The following RBFOX1 variants were observed in gnomAD, a reference collection of about 807,000 sequenced individuals.
RBFOX1 encodes RNA binding protein fox-1 homolog 1.
Under a neutral mutation model 57.7 loss-of-function variants are expected in RBFOX1, and 8 were observed. The ratio of observed to expected loss-of-function variants is 0.14; its 90% CI spans 0.08 to 0.25. The LOEUF is 0.25. RBFOX1 is among the 10% of genes least tolerant of loss of function. The pLI, the probability that RBFOX1 is intolerant of heterozygous loss-of-function variation, is 1.00. For synonymous variants in RBFOX1, 326 were observed against 222.4 expected, an observed-to-expected ratio of 1.47 and a Z score of -4.15; for missense variants, 611 against 548.5, an observed-to-expected ratio of 1.11 and a Z score of -1.14.
chr16:5,257,543 C>T (rs1247099544), intron 1 of RBFOX1, among the ~76,000 whole-genome samples: 10 of 152,206 alleles, frequency 6.6e-5, no homozygotes, highest in South Asian at 4.1e-4. Flanking sequence ...TAGGGGCCTG[C>T]GTTTGCAAAG....
intron 5 of RBFOX1, among the ~76,000 whole-genome samples, chr16:7,560,010 T>C (rs769729689): frequency 6.6e-6 from 1 of 152,218 alleles, no homozygotes; most frequent in Non-Finnish European, 1.5e-5. Context: ...GAAGGTTATT[T>C]TAAAAGATTT....
At chr16:6,425,474 G>T (rs1441029136) in intron 2 of RBFOX1, among the ~76,000 whole-genome samples, 1 of 152,208 alleles carries the variant, frequency 6.6e-6, no homozygotes. Flanking sequence ...GTGGGCTTGG[G>T]ATTAGGCGGT....
chr16:7,229,645 GA>G, intron 4 of RBFOX1, among the ~76,000 whole-genome samples: 2 of 99,842 alleles, frequency 2.0e-5, no homozygotes, highest in African/African-American at 3.4e-5. Flanking sequence ...GGAAGGAAGG[GA>G]GAGAGAGGGA....
chr16:7,352,708 G>A (rs187579116), intron 4 of RBFOX1, among the ~76,000 whole-genome samples: 21 of 152,116 alleles, frequency 1.4e-4, no homozygotes, highest in South Asian at 8.3e-4. Flanking sequence ...GTGTATTAAT[G>A]AGCAAATTAT....
At chr16:7,111,470 C>G (rs1462402478) in intron 4 of RBFOX1, among the ~76,000 whole-genome samples, 1 of 152,132 alleles carries the variant, frequency 6.6e-6, no homozygotes, top group African/African-American at 2.4e-5. Flanking sequence ...GATTATATTA[C>G]ATTTTTAAAT....
chr16:5,990,767 A>T (rs1243742380), intron 4 of RBFOX1, among the ~76,000 whole-genome samples: 1 of 152,250 alleles, frequency 6.6e-6, no homozygotes, highest in African/African-American at 2.4e-5. Flanking sequence ...CAGGAGTTCA[A>T]GACCAGCCCC....
intron 1 of RBFOX1, among the ~76,000 whole-genome samples, chr16:5,240,375 G>A (rs2062134174): frequency 6.6e-6 from 1 of 152,170 alleles, no homozygotes; most frequent in Non-Finnish European, 1.5e-5. Flanking sequence ...AAGGGGAGGG[G>A]GAGCCCCGCG....
intron 3 of RBFOX1, among the ~76,000 whole-genome samples, chr16:6,972,564 G>A (rs1355728264): frequency 6.6e-6 from 1 of 152,104 alleles, no homozygotes; most frequent in East Asian, 1.9e-4. Flanking sequence ...CAAATATATT[G>A]CAGCAGATTT....
chr16:5,943,824 T>C (rs1216081738), intron 4 of RBFOX1, among the ~76,000 whole-genome samples: 1 of 152,142 alleles, frequency 6.6e-6, no homozygotes, highest in Non-Finnish European at 1.5e-5. Context: ...CACTCACCCA[T>C]CCATCGACCC....
At chr16:6,423,457 G>A (rs552688999) in intron 2 of RBFOX1, among the ~76,000 whole-genome samples, 1 of 152,028 alleles carries the variant, frequency 6.6e-6, no homozygotes, top group Non-Finnish European at 1.5e-5. Context: ...AAATTAACCA[G>A]GTTTGATGGT....
At chr16:5,310,953 T>A (rs1166471574) in intron 1 of RBFOX1, among the ~76,000 whole-genome samples, 1 of 152,184 alleles carries the variant, frequency 6.6e-6, no homozygotes, top group Admixed American at 6.5e-5. Flanking sequence ...CTGAGTAGTG[T>A]ACAGTGTACC....
chr16:6,044,446 G>A (rs1483647858), intron 1 of RBFOX1, among the ~76,000 whole-genome samples: 1 of 151,238 alleles, frequency 6.6e-6, no homozygotes, highest in Non-Finnish European at 1.5e-5. Context: ...TTCGCAAGAT[G>A]TGACAGGCTA....
At chr16:6,614,565 G>T (rs181375801) in intron 2 of RBFOX1, among the ~76,000 whole-genome samples, 18 of 152,156 alleles carry the variant, frequency 1.2e-4, no homozygotes, top group African/African-American at 4.3e-4. Context: ...CATCAGAAAT[G>T]TCTTCGCCTA....
At chr16:6,977,137 ATATT>A (rs2087198148) in intron 3 of RBFOX1, among the ~76,000 whole-genome samples, 2 of 136,934 alleles carry the variant, frequency 1.5e-5, no homozygotes, top group Admixed American at 7.8e-5. Flanking sequence ...TATATGATAT[ATATT>A]ATATATATCA....
At chr16:5,801,084 C>T (rs968285040) in intron 3 of RBFOX1, among the ~76,000 whole-genome samples, 7 of 152,050 alleles carry the variant, frequency 4.6e-5, no homozygotes, top group African/African-American at 7.2e-5. Flanking sequence ...AAAAATAGGC[C>T]CCGCCCAGAG....
intron 1 of RBFOX1, among the ~76,000 whole-genome samples, chr16:5,426,554 A>G (rs1283533924): frequency 6.6e-6 from 1 of 152,064 alleles, no homozygotes; most frequent in Non-Finnish European, 1.5e-5. Flanking sequence ...GTGCAAAAAC[A>G]CTTTCCCTCT....
chr16:7,207,990 G>T (rs553647828), intron 4 of RBFOX1, among the ~76,000 whole-genome samples: 1 of 152,148 alleles, frequency 6.6e-6, no homozygotes, highest in African/African-American at 2.4e-5. Context: ...TGTAAGTGGG[G>T]TTTCTTTTTT....
chr16:5,646,716 C>T (rs1044378605), intron 3 of RBFOX1, among the ~76,000 whole-genome samples: 3 of 152,092 alleles, frequency 2.0e-5, no homozygotes, highest in Non-Finnish European at 4.4e-5. Context: ...CTCACTGCAA[C>T]CTCTGTCTTC....
intron 3 of RBFOX1, among the ~76,000 whole-genome samples, chr16:7,027,435 A>G (rs539257858): frequency 6.6e-6 from 1 of 152,094 alleles, no homozygotes. Context: ...TCCTTTTTTC[A>G]GGTGGAATAG....
Sources: gnomAD v4.1 joint callset for allele counts (sites outside exome capture counted in the v4.1 genomes callset) on GRCh38, gnomAD v4.1.1 for gene constraint, MANE v1.5 for transcripts, NCBI Gene and HGNC (gene_info 2026-07-23, HGNC 2026-07-21) for gene names.